Variants in SHISA9 observed in about 807,000 individuals in gnomAD.
SHISA9 encodes shisa family member 9, also known as protein shisa-9.
SHISA9 carries 13 observed loss-of-function variants against 38.0 expected under a neutral mutation model. That is an observed-to-expected ratio of 0.34 (90% CI 0.22 to 0.54). The LOEUF is 0.54. Ranked by LOEUF, SHISA9 falls within the 20% of genes least tolerant of loss-of-function variation. SHISA9 has a pLI of 0.91. For missense variants in SHISA9, 538 were observed against 575.8 expected, an observed-to-expected ratio of 0.93 and a Z score of 0.67; for synonymous variants, 275 against 242.0, an observed-to-expected ratio of 1.14 and a Z score of -1.27.
chr16:13,158,597 C>A (rs2050567610), intron 2 of SHISA9, among the ~76,000 whole-genome samples: 1 of 152,176 alleles, frequency 6.6e-6, no homozygotes, highest in South Asian at 2.1e-4. Context: ...AAAGACACAT[C>A]TGATTGGCCA....
intron 2 of SHISA9, among the ~76,000 whole-genome samples, chr16:13,149,358 C>T (rs1596683097): frequency 6.6e-6 from 1 of 152,182 alleles, no homozygotes; most frequent in African/African-American, 2.4e-5. Flanking sequence ...TCGTTCAATG[C>T]CTTGGGTTTT....
chr16:13,111,566 T>C (rs925405528), intron 2 of SHISA9, among the ~76,000 whole-genome samples: 2 of 152,202 alleles, frequency 1.3e-5, no homozygotes, highest in Non-Finnish European at 2.9e-5. Context: ...CTTAGCATAT[T>C]GGTGGGCACA....
chr16:13,465,274 GAC>G, the SHISA9 span, among the ~76,000 whole-genome samples: 4 of 152,184 alleles, frequency 2.6e-5, no homozygotes, highest in Non-Finnish European at 5.9e-5. Flanking sequence ...GTGTTTTGGG[GAC>G]ACAGTCACCC....
At chr16:13,114,978 C>T (rs998279338) in intron 2 of SHISA9, among the ~76,000 whole-genome samples, 1 of 149,204 alleles carries the variant, frequency 6.7e-6, no homozygotes, top group Non-Finnish European at 1.5e-5. Flanking sequence ...ATATATGTAT[C>T]TATCTATCTA....
chr16:12,916,460 C>T (rs1461908823), intron 1 of SHISA9, among the ~76,000 whole-genome samples: 2 of 152,200 alleles, frequency 1.3e-5, no homozygotes, highest in African/African-American at 2.4e-5. Flanking sequence ...CCTGTTATTA[C>T]ATGGCTGCTG....
intron 2 of SHISA9, among the ~76,000 whole-genome samples, chr16:13,202,973 A>G (rs1288835457): frequency 1.3e-5 from 2 of 152,218 alleles, no homozygotes; most frequent in South Asian, 4.1e-4. Context: ...CATCTCTGCC[A>G]GTACTCATGT....
chr16:13,071,902 T>C (rs2073523359), intron 2 of SHISA9, among the ~76,000 whole-genome samples: 1 of 152,038 alleles, frequency 6.6e-6, no homozygotes, highest in South Asian at 2.1e-4. Context: ...TGCTTTAGGC[T>C]CCCAAAGTGC....
intron 2 of SHISA9, among the ~76,000 whole-genome samples, chr16:13,120,180 A>G (rs1221153769): frequency 6.6e-6 from 1 of 152,184 alleles, no homozygotes; most frequent in African/African-American, 2.4e-5. Context: ...ATGCAATTAG[A>G]TATATAAATA....
intron 2 of SHISA9, among the ~76,000 whole-genome samples, chr16:13,132,261 A>G (rs1344766037): frequency 6.6e-6 from 1 of 152,208 alleles, no homozygotes; most frequent in African/African-American, 2.4e-5. Flanking sequence ...TAGTATCCCC[A>G]GAAGACTGTC....
chr16:13,096,074 G>A (rs1415505188), intron 2 of SHISA9, among the ~76,000 whole-genome samples: 1 of 152,184 alleles, frequency 6.6e-6, no homozygotes, highest in Non-Finnish European at 1.5e-5. Context: ...GCTTCACTGG[G>A]TATTAGCTGG....
At chr16:13,379,517 G>A in the SHISA9 span, among the ~76,000 whole-genome samples, 1 of 152,166 alleles carries the variant, frequency 6.6e-6, no homozygotes, top group Non-Finnish European at 1.5e-5. Context: ...CTAGGCACTG[G>A]AGGAGGAATT....
At chr16:13,408,791 A>T in the SHISA9 span, among the ~76,000 whole-genome samples, 2 of 152,174 alleles carry the variant, frequency 1.3e-5, no homozygotes. Flanking sequence ...CCTGCTGTTG[A>T]TATCAAGATA....
chr16:13,535,060 C>A, the SHISA9 span, among the ~76,000 whole-genome samples: 1 of 152,070 alleles, frequency 6.6e-6, no homozygotes, highest in African/African-American at 2.4e-5. Flanking sequence ...GCCTGACCAA[C>A]ATGGTAAAAC....
the SHISA9 span, among the ~76,000 whole-genome samples, chr16:13,462,987 A>AT: frequency 0.011 from 1,620 of 148,998 alleles, 14 homozygotes; most frequent in Middle Eastern, 0.024. Flanking sequence ...AAATAAATAA[A>AT]AAATAAAAAT....
chr16:13,203,535 C>G lies in SHISA9; in HGVS notation c.833C>G (p.Ser278Cys), dbSNP rs1321323622. The change falls in exon 3 of 5, where the codon TCC becomes TGC. Residue 278 changes from serine to cysteine, a missense_variant. Transcript: ENST00000558583. Reference sequence around the variant, plus strand: ...GGAAAAGAGCTCAACAAGTACGCCTCCTTAAAGGCAGTCGGTAAGTGCCAC... The same window carrying G: ...GGAAAAGAGCTCAACAAGTACGCCTGCTTAAAGGCAGTCGGTAAGTGCCAC... ...PPGKELNKYA[S>C]LKAVGSSDGD... 3.9e-6 allele frequency: 6 copies of G among 1,535,572 alleles called. No homozygotes were observed. The highest frequency in any genetic ancestry group is 5.3e-6 in the Non-Finnish European group (6 of 1,140,200).
At chr16:12,999,292 A>C (rs2072495698) in intron 2 of SHISA9, among the ~76,000 whole-genome samples, 1 of 152,180 alleles carries the variant, frequency 6.6e-6, no homozygotes, top group African/African-American at 2.4e-5. Flanking sequence ...GACCATGAAA[A>C]GGACACTTGT....
intron 2 of SHISA9, among the ~76,000 whole-genome samples, chr16:12,987,969 T>C (rs985812620): frequency 6.6e-6 from 1 of 152,206 alleles, no homozygotes; most frequent in Non-Finnish European, 1.5e-5. Flanking sequence ...GTCTCCAGTG[T>C]TCCTATTCTT....
intron 2 of SHISA9, among the ~76,000 whole-genome samples, chr16:13,029,930 A>G (rs2072971265): frequency 1.3e-5 from 2 of 152,132 alleles, no homozygotes; most frequent in Non-Finnish European, 2.9e-5. Context: ...ACCCTAGGCA[A>G]TTTATTCAAG....
chr16:13,300,812 C>T, the SHISA9 span, among the ~76,000 whole-genome samples: 1 of 151,392 alleles, frequency 6.6e-6, no homozygotes, highest in African/African-American at 2.4e-5. Context: ...CTTATTGGCT[C>T]TGTGATAAAA....
Sources: allele counts gnomAD v4.1 joint callset (sites outside exome capture counted in the v4.1 genomes callset), GRCh38; gene constraint gnomAD v4.1.1; transcripts MANE v1.5; gene names NCBI Gene and HGNC (gene_info 2026-07-23, HGNC 2026-07-21).